The following UGGT2 variants were observed in gnomAD, a reference collection of about 807,000 sequenced individuals.
UGGT2 encodes UDP-glucose glycoprotein glucosyltransferase 2, also known as UDP-glucose:glycoprotein glucosyltransferase 2.
UGGT2 carries 180 observed loss-of-function variants against 192.1 expected under a neutral mutation model. The ratio of observed to expected loss-of-function variants is 0.94; its 90% confidence interval spans 0.83 to 1.06. The LOEUF is 1.06. Ranked by LOEUF, UGGT2 falls within the 50% of genes least tolerant of loss-of-function variation. The pLI is 0.00. For missense variants in UGGT2, 1,849 were observed against 1,795.7 expected (o/e 1.03, Z -0.54); for synonymous variants, 580 against 591.0 (o/e 0.98, Z 0.27).
At chr13:95,854,560 T>C in intron 34 of UGGT2, 85 bp from the exon 35 acceptor site, 2 of 1,217,102 alleles carry the variant, frequency 1.6e-6, no homozygotes, top group Non-Finnish European at 2.2e-6. Context: ...ATTATTACTC[T>C]ACTACAGAAA....
chr13:95,983,917 A>G, intron 9 of UGGT2, 53 bp from the exon 10 acceptor site: 2 of 1,226,484 alleles, frequency 1.6e-6, no homozygotes, highest in Non-Finnish European at 2.3e-6. Flanking sequence ...TTTAGAACTG[A>G]TCTATATAAC....
chr13:95,833,438 G>T (rs563041955), intron 37 of UGGT2, among the ~76,000 whole-genome samples: 93 of 152,088 alleles, frequency 6.1e-4, no homozygotes, highest in African/African-American at 2.1e-3. Context: ...CGGTTCTCAG[G>T]GTTCCAACTC....
chr13:95,954,458 T>C (rs1301549218), intron 12 of UGGT2, among the ~76,000 whole-genome samples: 1 of 152,206 alleles, frequency 6.6e-6, no homozygotes, highest in East Asian at 1.9e-4. Context: ...TTAAGACTGA[T>C]AGAACAGATG....
chr13:95,844,718 G>C (rs1349625459), intron 36 of UGGT2, among the ~76,000 whole-genome samples: 1 of 152,138 alleles, frequency 6.6e-6, no homozygotes, highest in African/African-American at 2.4e-5. Context: ...CACATTGACT[G>C]TCCCCCTTAC....
chr13:95,942,221 GGTGTGTGTGTGTGT>G (rs370041064), intron 15 of UGGT2, among the ~76,000 whole-genome samples: 3,351 of 117,952 alleles, frequency 0.028, 97 homozygotes, highest in African/African-American at 0.085. Flanking sequence ...TTAGGGTGAG[GGTGTGTGTGTGTGT>G]GTGTGTGTGT....
At chr13:95,991,352 GCCTT>G in intron 7 of UGGT2, 1 of 387,916 alleles carries the variant, frequency 2.6e-6, no homozygotes, top group Non-Finnish European at 5.1e-6. Context: ...CAGTGTAAAA[GCCTT>G]CCTATTTCTC....
chr13:95,927,040 A>C lies in UGGT2; in HGVS notation c.2188T>G (p.Leu730Val). The change falls in exon 19 of 39, where the codon TTA (leucine) becomes GTA (valine). Residue 730 changes from leucine (L) to valine (V), a missense_variant. Coordinates refer to ENST00000376747, the MANE Select transcript of UGGT2 (RefSeq NM_020121.4). The stretch of plus-strand genomic sequence containing the variant: ...ATATGCTTATTACCGTCTTGGGTTA[A>C]ATAATACATGTTCTTTGCAATTACA... ...SAVIAKNMYY[L>V]TQDDESIISA... 1 of 1,605,162 alleles carries C rather than the reference A, an allele frequency of 6.2e-7. No homozygotes were observed. Among genetic ancestry groups the C allele is most frequent in the Non-Finnish European group, 8.5e-7 (1 of 1,177,444 alleles).
intron 30 of UGGT2, among the ~76,000 whole-genome samples, chr13:95,864,700 T>C (rs1351956789): frequency 6.6e-6 from 1 of 152,228 alleles, no homozygotes; most frequent in Non-Finnish European, 1.5e-5. Flanking sequence ...TCTAGGATTC[T>C]TGTCTACCTG....
intron 38 of UGGT2, 50 bp downstream of exon 38, chr13:95,832,877 C>T (rs747670621): frequency 6.2e-7 from 1 of 1,600,942 alleles, no homozygotes; most frequent in Admixed American, 1.7e-5. Flanking sequence ...CTATTCTAAT[C>T]TCATTAATGC....
At chr13:95,837,598 C>T (rs1887440649) in intron 36 of UGGT2, among the ~76,000 whole-genome samples, 1 of 152,150 alleles carries the variant, frequency 6.6e-6, no homozygotes, top group Non-Finnish European at 1.5e-5. Flanking sequence ...TTTCATCTCC[C>T]CATTGGAAAC....
intron 20 of UGGT2, among the ~76,000 whole-genome samples, chr13:95,917,950 C>T (rs1419691476): frequency 1.3e-5 from 2 of 152,136 alleles, no homozygotes; most frequent in African/African-American, 4.8e-5. Context: ...GAGACCTTAA[C>T]ACCCCATTAA....
At chr13:95,959,123 G>T (rs2050307266) in intron 12 of UGGT2, among the ~76,000 whole-genome samples, 1 of 152,154 alleles carries the variant, frequency 6.6e-6, no homozygotes, top group Non-Finnish European at 1.5e-5. Flanking sequence ...CATATCTCTG[G>T]GGTCCCACTG....
chr13:96,008,096 T>C (rs543085508), intron 5 of UGGT2, among the ~76,000 whole-genome samples: 2 of 152,280 alleles, frequency 1.3e-5, no homozygotes, highest in African/African-American at 2.4e-5. Context: ...GAGGAAAATA[T>C]TGAAGAAATG....
intron 36 of UGGT2, among the ~76,000 whole-genome samples, chr13:95,850,241 T>C (rs188546262): frequency 2.6e-5 from 4 of 152,266 alleles, no homozygotes; most frequent in Non-Finnish European, 4.4e-5. Context: ...ATGAAGTACA[T>C]GAATGTAGAA....
At chr13:95,951,754 C>A (rs1284540222) in intron 12 of UGGT2, among the ~76,000 whole-genome samples, 23 of 152,160 alleles carry the variant, frequency 1.5e-4, no homozygotes, top group Admixed American at 1.5e-3. Flanking sequence ...TATAAGCCAG[C>A]TTGGGGTTCA....
At chr13:96,025,883 A>G (rs2052649229) in intron 2 of UGGT2, among the ~76,000 whole-genome samples, 1 of 152,210 alleles carries the variant, frequency 6.6e-6, no homozygotes, top group East Asian at 1.9e-4. Flanking sequence ...TGTGGAAAAC[A>G]GTAGGAGAAA....
chr13:95,896,761 TTA>T (rs2047958309), intron 22 of UGGT2, among the ~76,000 whole-genome samples: 1 of 152,074 alleles, frequency 6.6e-6, no homozygotes. Flanking sequence ...ATAAAGTAAC[TTA>T]AATAGCATAA....
chr13:96,018,110 G>A (rs2052394443), intron 4 of UGGT2, among the ~76,000 whole-genome samples: 1 of 152,108 alleles, frequency 6.6e-6, no homozygotes, highest in South Asian at 2.1e-4. Context: ...ACAAGAACAT[G>A]CTAGTAAAAA....
intron 32 of UGGT2, among the ~76,000 whole-genome samples, chr13:95,860,156 A>G (rs538362476): frequency 6.6e-6 from 1 of 152,080 alleles, no homozygotes; most frequent in Admixed American, 6.6e-5. Flanking sequence ...TACAATTCAA[A>G]TATTTTTGAG....
Sources: gnomAD v4.1 joint callset for allele counts (sites outside exome capture counted in the v4.1 genomes callset) on GRCh38, gnomAD v4.1.1 for gene constraint, MANE v1.5 for transcripts, NCBI Gene and HGNC (gene_info 2026-07-23, HGNC 2026-07-21) for gene names.